Variants in SULT1A1 observed in about 807,000 individuals in gnomAD.
The protein encoded by SULT1A1 is sulfotransferase family 1A member 1.
SULT1A1 carries 35 observed loss-of-function variants against 36.8 expected under a neutral mutation model. The ratio of observed to expected loss-of-function variants is 0.95; its 90% CI spans 0.73 to 1.26. The LOEUF is 1.26. SULT1A1 is among the 50% of genes most tolerant of loss of function. The pLI is 0.00. For synonymous variants in SULT1A1, 119 were observed against 146.0 expected (o/e 0.82, Z 1.33); for missense variants, 309 against 383.0 (o/e 0.81, Z 1.61).
At chr16:28,618,056 T>TC (rs1018140737) in intron 2 of SULT1A1, among the ~76,000 whole-genome samples, 1 of 151,590 alleles carries the variant, frequency 6.6e-6, no homozygotes, top group African/African-American at 2.4e-5. Context: ...TTTTTTTTTT[T>TC]TGAACCAGGG....
rs778410596 is a variant in SULT1A1, at chr16:28,609,354, T to C, written c.-4-495A>G. ...CCGCCCAGGCCAGCCAGGCCTGTGATCCACTTGCCTGGCCACAGTCCATCT... is the reference window on the plus strand; with the variant it reads ...CCGCCCAGGCCAGCCAGGCCTGTGACCCACTTGCCTGGCCACAGTCCATCT... On this transcript the variant is annotated intron_variant, in intron 1 of 7. Coordinates refer to ENST00000314752, the MANE Select transcript of SULT1A1 (RefSeq NM_001055.4). 4.1e-4 allele frequency: 526 copies of C among 1,290,306 alleles called. 17 individuals are homozygous for C. The highest frequency in any genetic ancestry group is 5.0e-4 in the Non-Finnish European group (493 of 989,174). 79.9% of individuals were successfully genotyped at this position (1,290,306 alleles called of 1,614,324 possible).
chr16:28,606,821 C>T lies in SULT1A1; in HGVS notation c.534G>A (p.Glu178=), dbSNP rs2047214058. Residue 178 remains glutamate, a synonymous_variant, in exon 6 of 8, where the codon GAG becomes GAA. Coordinates refer to ENST00000314752, the MANE Select transcript of SULT1A1 (RefSeq NM_001055.4). The stretch of plus-strand genomic sequence containing the variant: ...GGTGGGTGCGGCTCAGCTCCCACCA[C>T]TCCTGCACGTGCTGGTACCAGGATC... ...SYGSWYQHVQ[E]WWELSRTHPV... is the part of the protein sequence containing the mutation. 3 of 1,612,426 alleles carry T rather than the reference C, an allele frequency of 1.9e-6. No homozygotes were observed. The highest frequency in any genetic ancestry group is 2.2e-5 in the South Asian group (2 of 91,036).
chr16:28,621,430 G>C (rs534099852), intron 1 of SULT1A1, among the ~76,000 whole-genome samples: 1 of 123,662 alleles, frequency 8.1e-6, no homozygotes, highest in African/African-American at 3.1e-5. Flanking sequence ...TCAATGAGCT[G>C]AGATCAGGCC....
chr16:28,605,531 C>G lies in SULT1A1; in HGVS notation c.*290G>C, dbSNP rs2047140342. On this transcript the variant is annotated 3_prime_UTR_variant, in exon 8 of 8. Transcript: ENST00000314752. The stretch of plus-strand genomic sequence containing the variant: ...CAGTGATCCTCTAGCCTCAACTTCT[C>G]AAATTGCTGGGATTACAGGCATGAG... The G allele has an allele frequency of 3.8e-6, 2 of 521,624 alleles. No homozygotes were observed. Among genetic ancestry groups the G allele is most frequent in the South Asian group, 2.1e-5 (1 of 47,190 alleles). 32.3% of individuals were successfully genotyped at this position (521,624 alleles called of 1,614,324 possible). A position where few individuals can be genotyped will look rare whatever the true frequency, so the allele number is the denominator to read the frequency against.
chr16:28,620,563 C>CAA (rs5816469), intron 1 of SULT1A1, among the ~76,000 whole-genome samples: 45 of 90,794 alleles, frequency 5.0e-4, no homozygotes, highest in Middle Eastern at 6.0e-3. Context: ...GACCCTGTCT[C>CAA]AAAAAAAAAA....
At position 28,605,767 on chromosome 16, in the gene SULT1A1, G is replaced by A. The variant is rs575182093; in HGVS notation, c.*54C>T. ...TCAATTCATATTTTATTCTTGAGCC[G>A]CTTGGTCAGGTTTGATTCGCACACT... On this transcript the variant is annotated 3_prime_UTR_variant, in exon 8 of 8. Coordinates refer to ENST00000314752, the MANE Select transcript of SULT1A1 (RefSeq NM_001055.4). 54 of 1,607,602 alleles carry A rather than the reference G, an allele frequency of 3.4e-5. No homozygotes were observed. In the African/African-American group the frequency reaches 3.6e-4, roughly 11 times the overall value.
intron 1 of SULT1A1, among the ~76,000 whole-genome samples, chr16:28,621,457 T>C (rs2047651154): frequency 1.0e-5 from 1 of 99,530 alleles, no homozygotes; most frequent in African/African-American, 4.1e-5. Context: ...CACTCCAGGC[T>C]GGGCAATAAA....
upstream of SULT1A1, chr16:28,610,264 GTTT>G (rs538720119): frequency 0.012 from 4,282 of 347,704 alleles, 38 homozygotes; most frequent in African/African-American, 0.079. Flanking sequence ...TTTTTTTTCT[GTTT>G]TTTTTTTTTT....
chr16:28,623,113 C>T, intron 1 of SULT1A1: 4 of 762,800 alleles, frequency 5.2e-6, no homozygotes, highest in South Asian at 1.6e-5. Flanking sequence ...CCCCCAGGTT[C>T]CCCCCCCGGC....
upstream of SULT1A1, chr16:28,611,386 T>C (rs1455094582): frequency 2.6e-5 from 4 of 152,320 alleles, no homozygotes; most frequent in East Asian, 1.9e-4. Flanking sequence ...CTGTATTTGA[T>C]GTAGGTTTCA....
intron 2 of SULT1A1, among the ~76,000 whole-genome samples, chr16:28,616,723 T>C (rs1459870249): frequency 6.6e-6 from 1 of 152,098 alleles, no homozygotes; most frequent in Non-Finnish European, 1.5e-5. Flanking sequence ...ACACCCGACG[T>C]ACTTCATTAT....
intron 2 of SULT1A1, among the ~76,000 whole-genome samples, chr16:28,616,616 T>C (rs1349783426): frequency 6.6e-6 from 1 of 151,840 alleles, no homozygotes; most frequent in Non-Finnish European, 1.5e-5. Flanking sequence ...ACAGACAGGG[T>C]CTTGCTATGT....
rs1369585673 is a variant in SULT1A1, at chr16:28,605,768, C to T, written c.*53G>A. ...CAATTCATATTTTATTCTTGAGCCG[C>T]TTGGTCAGGTTTGATTCGCACACTC... On this transcript the variant is annotated 3_prime_UTR_variant, in exon 8 of 8. Coordinates refer to ENST00000314752, the MANE Select transcript of SULT1A1 (RefSeq NM_001055.4). 2.5e-6 allele frequency: 4 copies of T among 1,609,664 alleles called. No homozygotes were observed. The East Asian group carries it at 6.7e-5, about 27-fold the overall frequency.
Position 28,605,611 on chromosome 16 carries a change from T to C in SULT1A1, c.*210A>G. The C allele has an allele frequency of 1.2e-6, 1 of 838,656 alleles. No individual in the cohort carries two copies. Among genetic ancestry groups the C allele is most frequent in the South Asian group, 1.8e-5 (1 of 54,990 alleles). 52.0% of individuals were successfully genotyped at this position (838,656 alleles called of 1,614,324 possible). ...ATTCTCTTTTTAAAAATTGGTTTTA[T>C]TTTATTTTATTTTTTTAACAGAATC... On this transcript the variant is annotated 3_prime_UTR_variant, in exon 8 of 8. Transcript: ENST00000314752.
chr16:28,607,908 AC>A (rs2047280795), intron 4 of SULT1A1: 1 of 157,660 alleles, frequency 6.3e-6, no homozygotes, highest in South Asian at 1.9e-4. Flanking sequence ...CAAGTGATCC[AC>A]CCAATTTGGC....
Position 28,605,414 on chromosome 16 carries a change from G to A in SULT1A1, c.*407C>T. 1 of 308,746 alleles carries A rather than the reference G, an allele frequency of 3.2e-6. No homozygotes were observed. Among genetic ancestry groups the A allele is most frequent in the South Asian group, 2.9e-5 (1 of 34,530 alleles). The allele number at this position is 308,746 out of a possible 1,614,324, so 19.1% of individuals were successfully genotyped here. ...ACTTGTCAAGTAGCTGGGACTACAG[G>A]TGCCCACCATCACGTACAGATAATT... is the stretch of plus-strand genomic sequence containing the variant. On this transcript the variant is annotated 3_prime_UTR_variant, in exon 8 of 8. Transcript: ENST00000314752.
chr16:28,618,699 G>A (rs1376370295), intron 2 of SULT1A1, among the ~76,000 whole-genome samples: 3 of 151,986 alleles, frequency 2.0e-5, no homozygotes, highest in East Asian at 3.9e-4. Context: ...CAGTAAAACC[G>A]CTGATTTGTT....
intron 2 of SULT1A1, among the ~76,000 whole-genome samples, chr16:28,616,045 A>G (rs1297226701): frequency 6.6e-6 from 1 of 152,162 alleles, no homozygotes; most frequent in Non-Finnish European, 1.5e-5. Context: ...GGTAACGGGC[A>G]TCTTCCCAGA....
chr16:28,605,731 G>A lies in SULT1A1; in HGVS notation c.*90C>T, dbSNP rs145053891. ...GCTGGGATTACAGACATGACCTACC[G>A]TCCCGGGCCCTCAATTCATATTTTA... On this transcript the variant is annotated 3_prime_UTR_variant, in exon 8 of 8. Coordinates refer to ENST00000314752, the MANE Select transcript of SULT1A1 (RefSeq NM_001055.4). 5.2e-5 allele frequency: 83 copies of A among 1,583,866 alleles called. No individual in the cohort carries two copies. Among genetic ancestry groups the A allele is most frequent in the South Asian group, 3.3e-4 (29 of 88,668 alleles).
Sources: allele counts gnomAD v4.1 joint callset (sites outside exome capture counted in the v4.1 genomes callset), GRCh38; gene constraint gnomAD v4.1.1; transcripts MANE v1.5; gene names NCBI Gene and HGNC (gene_info 2026-07-23, HGNC 2026-07-21).